Variants in MIA observed in about 807,000 individuals in gnomAD.
MIA encodes melanoma-derived growth regulatory protein.
In MIA, 18 loss-of-function variants were observed where a neutral mutation model predicts 18.5. The ratio of observed to expected loss-of-function variants is 0.97; its 90% CI spans 0.67 to 1.44. The LOEUF (loss-of-function observed/expected upper bound fraction) is 1.44. Among genes scored for constraint, MIA ranks in the 40% most tolerant of loss-of-function variants. The pLI, the probability that MIA is intolerant of heterozygous loss-of-function variation, is 0.00. For missense variants in MIA, 158 were observed against 172.4 expected (o/e 0.92, Z 0.47); for synonymous variants, 55 against 64.9 (o/e 0.85, Z 0.74).
intron 3 of MIA, 70 bp from the exon 4 acceptor site, chr19:40,777,327 T>C (rs780417867): frequency 1.3e-6 from 2 of 1,581,130 alleles, no homozygotes; most frequent in Non-Finnish European, 1.7e-6. Flanking sequence ...CAGCCTTTGC[T>C]AAAACCACTA....
At chr19:40,776,938 C>T in intron 2 of MIA, 31 bp from the exon 3 acceptor site, 1 of 1,543,724 alleles carries the variant, frequency 6.5e-7, no homozygotes, top group African/African-American at 1.4e-5. Flanking sequence ...GCCATCTTCC[C>T]AGACCCTAGC....
At chr19:40,777,349 G>T (rs368147663) in intron 3 of MIA, 48 bp from the exon 4 acceptor site, 55 of 1,608,664 alleles carry the variant, frequency 3.4e-5, no homozygotes, top group Non-Finnish European at 4.4e-5. Flanking sequence ...ATCCTTTGTG[G>T]TGTGACCGCT....
chr19:40,775,733 C>A lies in MIA; in HGVS notation c.128-19C>A. 1 of 1,614,038 alleles carries A rather than the reference C, an allele frequency of 6.2e-7. No homozygotes were observed. The highest frequency in any genetic ancestry group is 8.5e-7 in the Non-Finnish European group (1 of 1,179,962). On this transcript the variant is annotated intron_variant, in intron 1 of 3. Transcript: ENST00000263369. ...AGCCTGTGTGGAGGGTGCTGCATTCCCTTCTATTCCTTCCCTAGACCCTAT... is the reference window on the plus strand; with the variant it reads ...AGCCTGTGTGGAGGGTGCTGCATTCACTTCTATTCCTTCCCTAGACCCTAT...
chr19:40,775,916 G>C, intron 2 of MIA, 31 bp downstream of exon 2: 1 of 1,612,584 alleles, frequency 6.2e-7, no homozygotes, highest in African/African-American at 1.3e-5. Context: ...AGAGGGAAGG[G>C]TACAGAGCTG....
rs1481100190 is a variant in MIA at position 40,775,870 on chromosome 19, C to T, written c.246C>T (p.Leu82=). The part of the protein sequence containing the change: ...VFSKLKGRGR[L]FWGGSVQGDY... ...CCAAGCTGAAGGGCCGTGGGCGGCT[C>T]TTCTGGGGAGGCAGCGTGAGTCTTG... The change falls in exon 2 of 4, where the codon CTC becomes CTT. Residue 82 remains leucine, a synonymous_variant. Coordinates refer to ENST00000263369, the MANE Select transcript of MIA (RefSeq NM_006533.4). The T allele has an allele frequency of 1.9e-6, 3 of 1,613,862 alleles. No individual in the cohort carries two copies. Among genetic ancestry groups the T allele is most frequent in the African/African-American group, 2.7e-5 (2 of 74,920 alleles).
At chr19:40,776,409 C>G (rs941009918) in intron 2 of MIA, among the ~76,000 whole-genome samples, 5 of 152,020 alleles carry the variant, frequency 3.3e-5, no homozygotes, top group Non-Finnish European at 7.4e-5. Context: ...ACAAATGATC[C>G]TTTTTATTCT....
In MIA at chr19:40,777,436, G is replaced by A; in HGVS notation, c.*16G>A. ...CTGCCAGTGAGCTCAGCCTACCGCT[G>A]GCCCTGCCGTTTCCCCTCCTTGGCT... On this transcript the variant is annotated 3_prime_UTR_variant, in exon 4 of 4. Coordinates refer to ENST00000263369, the MANE Select transcript of MIA (RefSeq NM_006533.4). 1.2e-6 allele frequency: 2 copies of A among 1,613,136 alleles called. No homozygotes were observed. Among genetic ancestry groups the A allele is most frequent in the Non-Finnish European group, 1.7e-6 (2 of 1,179,350 alleles).
rs755216468 is a variant in MIA, at chr19:40,775,845, C to T, written c.221C>T (p.Ser74Phe). 1.2e-6 allele frequency: 2 copies of T among 1,614,044 alleles called. No homozygotes were observed. The highest frequency in any genetic ancestry group is 1.7e-6 in the Non-Finnish European group (2 of 1,180,004). Reference protein sequence around the residue: ...IHRGQVVYVFSKLKGRGRLFW... With the variant: ...IHRGQVVYVFFKLKGRGRLFW... ...CGGGGCCAAGTGGTGTATGTCTTCT[C>T]CAAGCTGAAGGGCCGTGGGCGGCTC... Residue 74 changes from serine to phenylalanine, a missense_variant, in exon 2 of 4, where the codon TCC becomes TTC. By Grantham distance (155) the Ser-to-Phe change is radical. Coordinates refer to ENST00000263369, the MANE Select transcript of MIA (RefSeq NM_006533.4).
At chr19:40,776,089 C>T (rs1250130449) in intron 2 of MIA, among the ~76,000 whole-genome samples, 3 of 152,146 alleles carry the variant, frequency 2.0e-5, no homozygotes, top group Non-Finnish European at 2.9e-5. Context: ...TGCAATGGCA[C>T]GATCTCGGCT....
intron 3 of MIA, 78 bp downstream of exon 3, chr19:40,777,157 C>G (rs945817237): frequency 7.7e-5 from 100 of 1,302,424 alleles, no homozygotes; most frequent in Non-Finnish European, 9.9e-5. Context: ...TGCTCCCACA[C>G]TTGGCTCCCT....
At chr19:40,775,336 A>C (rs2082987804), upstream of MIA, 1 of 725,682 alleles carries the variant, frequency 1.4e-6, no homozygotes, top group Non-Finnish European at 2.2e-6. Flanking sequence ...CTTATCTGGG[A>C]ATTTCCTTGG....
At chr19:40,777,264 C>G (rs2083004596) in intron 3 of MIA, 133 bp from the exon 4 acceptor site, 2 of 1,173,740 alleles carry the variant, frequency 1.7e-6, no homozygotes, top group Non-Finnish European at 2.5e-6. Context: ...GATTAGAGGG[C>G]TCTAGGCTAA....
rs577492559 is a variant in MIA, at chr19:40,775,639, C to A, written c.97C>A (p.Arg33=). 1.2e-6 allele frequency: 2 copies of A among 1,613,982 alleles called. No individual in the cohort carries two copies. The highest frequency in any genetic ancestry group is 8.5e-7 in the Non-Finnish European group (1 of 1,180,030). The change falls in exon 1 of 4, where the codon CGG becomes AGG. Residue 33 remains arginine (R), a synonymous_variant. Coordinates refer to ENST00000263369, the MANE Select transcript of MIA (RefSeq NM_006533.4). The part of the protein sequence containing the change: ...RGGPMPKLAD[R]KLCADQECSH... Reference sequence around the variant, plus strand: ...TGGTCCTATGCCCAAGCTGGCTGACCGGAAGCTGTGTGCGGACCAGGAGTG... The same window carrying A: ...TGGTCCTATGCCCAAGCTGGCTGACAGGAAGCTGTGTGCGGACCAGGAGTG...
Position 40,775,577 on chromosome 19 carries a change from T to C in MIA, c.35T>C (p.Ile12Thr), listed in dbSNP as rs142076032. Residue 12 changes from isoleucine (I) to threonine (T), a missense_variant, in exon 1 of 4, where the codon ATC (isoleucine) becomes ACC (threonine). Physicochemically the swap from Ile to Thr is moderately conservative, Grantham distance 89. Transcript: ENST00000263369. The part of the protein sequence containing the change: ...ARSLVCLGVI[I>T]LLSAFSGPGV... ...TCCCTGGTGTGCCTTGGTGTCATCATCTTGCTGTCTGCCTTCTCCGGACCT... is the reference window on the plus strand; with the variant it reads ...TCCCTGGTGTGCCTTGGTGTCATCACCTTGCTGTCTGCCTTCTCCGGACCT... 9.2e-4 allele frequency: 1,479 copies of C among 1,614,090 alleles called. 1 individual carries two copies. The highest frequency in any genetic ancestry group is 1.1e-3 in the Non-Finnish European group (1,317 of 1,180,044).
chr19:40,775,323 G>A, upstream of MIA: 1 of 651,408 alleles, frequency 1.5e-6, no homozygotes, highest in South Asian at 2.0e-5. Flanking sequence ...AGCTGCTTTG[G>A]ACCTTATCTG....
intron 3 of MIA, 125 bp downstream of exon 3, chr19:40,777,204 C>T: frequency 9.0e-7 from 1 of 1,110,266 alleles, no homozygotes; most frequent in South Asian, 1.3e-5. Context: ...AAATTCTTTC[C>T]CTGCCTCAAT....
At chr19:40,777,356 C>G (rs754539868) in intron 3 of MIA, 41 bp from the exon 4 acceptor site, 1 of 1,611,722 alleles carries the variant, frequency 6.2e-7, no homozygotes, top group Non-Finnish European at 8.5e-7. Context: ...GTGGTGTGAC[C>G]GCTGGTTTTC....
chr19:40,775,205 A>G, upstream of MIA: 1 of 236,528 alleles, frequency 4.2e-6, no homozygotes, highest in South Asian at 7.6e-5. Context: ...ACAGCGGAGG[A>G]GCCCAGGTAC....
Position 40,775,768 on chromosome 19 carries a change from T to G in MIA, c.144T>G (p.Ala48=). 1 of 1,614,158 alleles carries G rather than the reference T, an allele frequency of 6.2e-7. No homozygotes were observed. Among genetic ancestry groups the G allele is most frequent in the South Asian group, 1.1e-5 (1 of 91,084 alleles). ...DQECSHPISM[A]VALQDYMAPD... ...CTTCCCTAGACCCTATCTCCATGGC[T>G]GTGGCCCTTCAGGACTACATGGCCC... is the stretch of plus-strand genomic sequence containing the variant. Residue 48 remains alanine (A), a synonymous_variant, in exon 2 of 4, where the codon GCT becomes GCG. Coordinates refer to ENST00000263369, the MANE Select transcript of MIA (RefSeq NM_006533.4).
Sources: allele counts gnomAD v4.1 joint callset (sites outside exome capture counted in the v4.1 genomes callset), GRCh38; gene constraint gnomAD v4.1.1; transcripts MANE v1.5; gene names NCBI Gene and HGNC (gene_info 2026-07-23, HGNC 2026-07-21).